The following CPE variants were observed in gnomAD, a reference collection of about 807,000 sequenced individuals.
CPE encodes the protein carbocypeptidase E.
In CPE, 17 loss-of-function variants were observed where a neutral mutation model predicts 53.5. The observed-to-expected ratio is 0.32, with a 90% confidence interval of 0.22 to 0.48. CPE has a LOEUF of 0.48. CPE is among the 20% of genes least tolerant of loss of function. CPE has a pLI of 0.99. For missense variants in CPE, 524 were observed against 614.7 expected, an observed-to-expected ratio of 0.85 and a Z score of 1.56; for synonymous variants, 226 against 228.8, an observed-to-expected ratio of 0.99 and a Z score of 0.11.
intron 1 of CPE, among the ~76,000 whole-genome samples, chr4:165,413,259 TC>T (rs375490712): frequency 3.4e-4 from 52 of 152,280 alleles, no homozygotes; most frequent in African/African-American, 1.1e-3. Context: ...TAATTGCATG[TC>T]CAACGCCACT....
Position 165,379,436 on chromosome 4 carries a change from C to T in CPE, c.215C>T (p.Ala72Val), listed in dbSNP as rs148489430. The T allele has an allele frequency of 1.5e-3, 2,463 of 1,610,356 alleles. 24 individuals carry two copies. The highest frequency in any genetic ancestry group is 1.8e-3 in the Non-Finnish European group (2,105 of 1,178,806). ...ALVSVWLQCT[A>V]ISRIYTVGRS... ...GTGTCCGTGTGGCTGCAGTGCACCGCCATCAGCAGGATTTACACGGTGGGG... is the reference window on the plus strand; with the variant it reads ...GTGTCCGTGTGGCTGCAGTGCACCGTCATCAGCAGGATTTACACGGTGGGG... The change falls in exon 1 of 9, where the codon GCC (alanine) becomes GTC (valine). Residue 72 changes from alanine to valine, a missense_variant. Physicochemically the swap from Ala to Val is moderately conservative, Grantham distance 64. Coordinates refer to ENST00000402744, the MANE Select transcript of CPE (RefSeq NM_001873.4). The surrounding 1 kb of genome is among the most constrained non-coding windows in gnomAD (Gnocchi z 6.0).
In CPE at chr4:165,497,541, A is replaced by C; in HGVS notation, c.1362A>C (p.Glu454Asp). 6.3e-7 allele frequency: 1 copy of C among 1,576,346 alleles called. No homozygotes were observed. Among genetic ancestry groups the C allele is most frequent in the Non-Finnish European group, 8.6e-7 (1 of 1,164,732 alleles). The change falls in exon 9 of 9, where the codon GAA (glutamate) becomes GAC (aspartate). Residue 454 changes from glutamate to aspartate, a missense_variant. Physicochemically the swap from Glu to Asp is conservative, Grantham distance 45. Transcript: ENST00000402744. Reference protein sequence around the residue: ...GVDFELESFSERKEEEKEELM... With the variant: ...GVDFELESFSDRKEEEKEELM... ...ATTTTGAACTGGAGTCATTTTCTGA[A>C]AGGAAAGAAGAGGAGAAGGAAGAAT...
intron 3 of CPE, among the ~76,000 whole-genome samples, chr4:165,474,597 A>G (rs532127839): frequency 6.6e-5 from 10 of 152,312 alleles, no homozygotes; most frequent in East Asian, 1.9e-4. Context: ...TCTCATCACA[A>G]TTACCCACTT....
intron 6 of CPE, among the ~76,000 whole-genome samples, chr4:165,490,629 C>CAAAA (rs36034365): frequency 8.0e-3 from 317 of 39,742 alleles, no homozygotes; most frequent in Middle Eastern, 0.013. Flanking sequence ...GACTCCGTCT[C>CAAAA]AAAAAAAAAA....
intron 3 of CPE, among the ~76,000 whole-genome samples, chr4:165,478,618 A>G (rs1732343780): frequency 6.6e-6 from 1 of 152,230 alleles, no homozygotes; most frequent in Admixed American, 6.5e-5. Context: ...CCATTACCCT[A>G]CAATCTTCAG....
chr4:165,485,453 AT>A (rs962890072), intron 5 of CPE, among the ~76,000 whole-genome samples: 9 of 151,844 alleles, frequency 5.9e-5, no homozygotes, highest in Non-Finnish European at 1.0e-4. Flanking sequence ...ATTCTTTCTG[AT>A]TTTTTTCTTT....
intron 1 of CPE, among the ~76,000 whole-genome samples, chr4:165,382,962 T>C (rs1488356220): frequency 1.3e-5 from 2 of 152,240 alleles, no homozygotes; most frequent in African/African-American, 4.8e-5. Context: ...AGCTGAATGT[T>C]GGGTCTCAGT....
intron 1 of CPE, among the ~76,000 whole-genome samples, chr4:165,457,547 A>G (rs1335963062): frequency 6.6e-6 from 1 of 152,242 alleles, no homozygotes; most frequent in Admixed American, 6.5e-5. Context: ...TAGATGTCAT[A>G]TGTAAGACAA....
intron 2 of CPE, among the ~76,000 whole-genome samples, chr4:165,465,081 C>G (rs1034460515): frequency 2.6e-5 from 4 of 151,986 alleles, no homozygotes; most frequent in Non-Finnish European, 4.4e-5. Context: ...AAAAAACAAG[C>G]GAAAACCCTA....
chr4:165,392,764 C>T (rs1176781688), intron 1 of CPE, among the ~76,000 whole-genome samples: 1 of 148,054 alleles, frequency 6.8e-6, no homozygotes, highest in Non-Finnish European at 1.5e-5. Flanking sequence ...CCTCAAAGGA[C>T]AACACCCCAA....
At chr4:165,429,440 C>T (rs1329013850) in intron 1 of CPE, among the ~76,000 whole-genome samples, 1 of 152,162 alleles carries the variant, frequency 6.6e-6, no homozygotes, top group Non-Finnish European at 1.5e-5. Context: ...CGGTGGCTCA[C>T]ACCTGTAATC....
At chr4:165,404,815 G>T (rs1730926831) in intron 1 of CPE, 2 of 768,970 alleles carry the variant, frequency 2.6e-6, no homozygotes, top group South Asian at 1.3e-5. Flanking sequence ...AAGTCTTCTT[G>T]GTTGTGATCA....
At chr4:165,426,212 C>G (rs1266717062) in intron 1 of CPE, among the ~76,000 whole-genome samples, 1 of 152,152 alleles carries the variant, frequency 6.6e-6, no homozygotes, top group Non-Finnish European at 1.5e-5. Flanking sequence ...GGATATGAAG[C>G]AAGCTTTATT....
Position 165,484,544 on chromosome 4 carries a change from G to T in CPE, c.913G>T (p.Asp305Tyr), listed in dbSNP as rs774780895. 2 of 1,614,026 alleles carry T rather than the reference G, an allele frequency of 1.2e-6. No homozygotes were observed. Among genetic ancestry groups the T allele is most frequent in the Non-Finnish European group, 1.7e-6 (2 of 1,180,012 alleles). Reference sequence around the variant, plus strand: ...TCGGCCACCATGTCGCAAGAATGATGATGACAGCAGCTTTGTAGATGGAAC... The same window carrying T: ...TCGGCCACCATGTCGCAAGAATGATTATGACAGCAGCTTTGTAGATGGAAC... ...PNRPPCRKND[D>Y]DSSFVDGTTN... The change falls in exon 5 of 9, where the codon GAT (aspartate) becomes TAT (tyrosine). Residue 305 changes from aspartate (D) to tyrosine (Y), a missense_variant. Physicochemically the swap from Asp to Tyr is radical, Grantham distance 160. Transcript: ENST00000402744.
At chr4:165,408,724 C>T (rs1479608253) in intron 1 of CPE, among the ~76,000 whole-genome samples, 2 of 152,158 alleles carry the variant, frequency 1.3e-5, no homozygotes, top group Non-Finnish European at 2.9e-5. Flanking sequence ...GCTTTTCTGT[C>T]AAGTTCCCAG....
At chr4:165,407,298 A>C (rs763461345) in intron 1 of CPE, among the ~76,000 whole-genome samples, 14 of 151,986 alleles carry the variant, frequency 9.2e-5, no homozygotes, top group Non-Finnish European at 1.8e-4. Flanking sequence ...GTGTGAAGTG[A>C]TATTTTGATG....
intron 5 of CPE, among the ~76,000 whole-genome samples, chr4:165,484,897 C>A (rs543340034): frequency 1.1e-4 from 17 of 152,206 alleles, no homozygotes; most frequent in African/African-American, 4.1e-4. Flanking sequence ...ACCCTACTTT[C>A]CAAATTCAAG....
chr4:165,434,158 T>C (rs895530985), intron 1 of CPE, among the ~76,000 whole-genome samples: 3 of 152,098 alleles, frequency 2.0e-5, no homozygotes, highest in Non-Finnish European at 4.4e-5. Flanking sequence ...TAAATAAAAA[T>C]CTTTGTGTGA....
At chr4:165,406,218 C>T in intron 1 of CPE, 1 of 665,050 alleles carries the variant, frequency 1.5e-6, no homozygotes, top group Non-Finnish European at 2.9e-6. Flanking sequence ...CCCTTTGACT[C>T]CATAGTTAAT....
Sources: gnomAD v4.1 joint callset for allele counts (sites outside exome capture counted in the v4.1 genomes callset) on GRCh38, gnomAD v4.1.1 for gene constraint, Gnocchi (gnomAD v3.1) non-coding constraint, MANE v1.5 for transcripts, NCBI Gene and HGNC (gene_info 2026-07-23, HGNC 2026-07-21) for gene names.